Variants in NEBL observed in about 807,000 individuals in gnomAD.
NEBL encodes LIM and SH3 protein 2.
A neutral mutation model predicts 140.2 loss-of-function variants in NEBL; 122 were observed. The observed-to-expected ratio is 0.87, with a 90% CI of 0.75 to 1.01. The LOEUF (loss-of-function observed/expected upper bound fraction) is 1.01. NEBL is among the 50% of genes least tolerant of loss of function. The pLI, the probability that NEBL is intolerant of heterozygous loss-of-function variation, is 0.00. For missense variants in NEBL, 1,365 were observed against 1,231.3 expected, an observed-to-expected ratio of 1.11 and a Z score of -1.62; for synonymous variants, 436 against 398.9, an observed-to-expected ratio of 1.09 and a Z score of -1.11.
chr10:21,198,820 C>T (rs982251479), intron 3 of NEBL, among the ~76,000 whole-genome samples: 2 of 151,980 alleles, frequency 1.3e-5, no homozygotes, highest in Admixed American at 1.3e-4. Context: ...TCTCCCAAAA[C>T]TGTCTAATTA....
In NEBL at chr10:20,859,827, C is replaced by G. The variant is rs1843486814; in HGVS notation, c.685-1G>C. On this transcript the variant is annotated splice_acceptor_variant, in intron 7 of 27. Transcript: ENST00000377122. LOFTEE classifies it high-confidence loss of function. ...TATCAAATTTTTCTTTGTATTTAAT[C>G]TGTCATAAAAGAGAAATAGTACATG... 3 of 1,395,230 alleles carry G rather than the reference C, an allele frequency of 2.2e-6. No homozygotes were observed. The highest frequency in any genetic ancestry group is 3.4e-5 in the Admixed American group (2 of 58,674). 86.4% of individuals were successfully genotyped at this position (1,395,230 alleles called of 1,614,324 possible).
chr10:21,149,261 C>T (rs1319846911), intron 2 of NEBL, among the ~76,000 whole-genome samples: 1 of 152,100 alleles, frequency 6.6e-6, no homozygotes, highest in Non-Finnish European at 1.5e-5. Flanking sequence ...ACCTTACGCA[C>T]CTCGTCGTCG....
In NEBL at chr10:20,916,025, C is replaced by T. The variant is rs564220526; in HGVS notation, c.357+45647G>A. On this transcript the variant is annotated intron_variant, in intron 4 of 6. Coordinates refer to the NEBL transcript ENST00000417816. ...TAAGACATAACAGACTGTCTTTCTA[C>T]GATAAACCGTTATTAACTAAGTCAG... 1.2e-4 allele frequency among the ~76,000 whole-genome samples: 19 copies of T among 152,322 alleles called. No individual in the cohort carries two copies. In the Middle Eastern group the frequency reaches 0.01, roughly 82 times the overall value.
intron 3 of NEBL, among the ~76,000 whole-genome samples, chr10:20,977,824 C>T (rs1433656781): frequency 1.3e-5 from 2 of 152,140 alleles, no homozygotes; most frequent in African/African-American, 4.8e-5. Flanking sequence ...TATGAAGTAC[C>T]ACTTCCTAAT....
intron 2 of NEBL, among the ~76,000 whole-genome samples, chr10:21,149,326 TG>T (rs60755026): frequency 0.2 from 30,051 of 151,968 alleles, 3,321 homozygotes; most frequent in African/African-American, 0.3. Flanking sequence ...AGTCTGTCTC[TG>T]TCACCCAAGC....
chr10:21,253,064 C>A (rs974041245), intron 1 of NEBL, among the ~76,000 whole-genome samples: 3 of 152,104 alleles, frequency 2.0e-5, no homozygotes, highest in Non-Finnish European at 4.4e-5. Flanking sequence ...GAGTTCGAGA[C>A]CAGTCTGGCC....
chr10:21,070,345 G>A (rs1554822721), intron 2 of NEBL, among the ~76,000 whole-genome samples: 1 of 152,062 alleles, frequency 6.6e-6, no homozygotes, highest in Non-Finnish European at 1.5e-5. Context: ...CTGTCAGATT[G>A]CCCTGGTTAA....
chr10:21,159,512 A>C (rs2132149118), intron 2 of NEBL, among the ~76,000 whole-genome samples: 1 of 152,334 alleles, frequency 6.6e-6, no homozygotes, highest in Admixed American at 6.5e-5. Flanking sequence ...ATTCTTTTCC[A>C]AATTAAGCGC....
chr10:21,115,929 C>T (rs1303671778), intron 2 of NEBL, among the ~76,000 whole-genome samples: 7 of 151,938 alleles, frequency 4.6e-5, no homozygotes, highest in Non-Finnish European at 1.0e-4. Flanking sequence ...ACTGATGCTC[C>T]GTTAATTCTT....
intron 26 of NEBL, among the ~76,000 whole-genome samples, chr10:20,795,543 G>C (rs995136123): frequency 2.7e-5 from 4 of 147,712 alleles, no homozygotes; most frequent in Non-Finnish European, 6.0e-5. Context: ...TCTGGGGAGA[G>C]AGAGTGTGCG....
chr10:20,996,890 C>A (rs1837688861), intron 3 of NEBL, among the ~76,000 whole-genome samples: 1 of 152,114 alleles, frequency 6.6e-6, no homozygotes, highest in African/African-American at 2.4e-5. Flanking sequence ...CTCTCTAAAC[C>A]CCAGAATACA....
intron 3 of NEBL, among the ~76,000 whole-genome samples, chr10:21,198,049 C>T (rs1036911134): frequency 1.3e-5 from 2 of 152,044 alleles, no homozygotes; most frequent in South Asian, 2.1e-4. Context: ...CCTGCTGTCT[C>T]GGTGTGTTGG....
chr10:20,789,609 A>AG (rs1835745257), intron 26 of NEBL, among the ~76,000 whole-genome samples: 2 of 152,164 alleles, frequency 1.3e-5, no homozygotes, highest in African/African-American at 4.8e-5. Context: ...GCACTTTGGA[A>AG]GTCCAAAGCA....
chr10:20,815,875 C>G, intron 21 of NEBL, 158 bp from the exon 22 acceptor site: 1 of 640,844 alleles, frequency 1.6e-6, no homozygotes, highest in Non-Finnish European at 2.8e-6. Context: ...CTCAGGCAAT[C>G]CTCCCACCTC....
intron 3 of NEBL, among the ~76,000 whole-genome samples, chr10:20,975,652 C>G (rs1027445444): frequency 2.0e-5 from 3 of 152,098 alleles, no homozygotes; most frequent in African/African-American, 7.2e-5. Flanking sequence ...ACTTGAATAC[C>G]TACAGTCATT....
intron 4 of NEBL, among the ~76,000 whole-genome samples, chr10:20,934,861 T>C (rs929113029): frequency 1.3e-5 from 2 of 152,146 alleles, no homozygotes; most frequent in Non-Finnish European, 1.5e-5. Context: ...CAGACAAATC[T>C]TTAAGACATA....
chr10:21,277,299 C>T (rs1300863944), intron 1 of NEBL, among the ~76,000 whole-genome samples: 1 of 151,316 alleles, frequency 6.6e-6, no homozygotes, highest in Non-Finnish European at 1.5e-5. Flanking sequence ...AACTCCACCT[C>T]CTAGGTTCAA....
At chr10:21,149,557 C>T (rs1018614266) in intron 2 of NEBL, among the ~76,000 whole-genome samples, 4 of 152,220 alleles carry the variant, frequency 2.6e-5, no homozygotes, top group African/African-American at 9.6e-5. Context: ...TCCCAAAGTG[C>T]TGGGATTATA....
chr10:20,991,687 T>C (rs1277227937), intron 3 of NEBL, among the ~76,000 whole-genome samples: 2 of 152,072 alleles, frequency 1.3e-5, no homozygotes, highest in African/African-American at 2.4e-5. Flanking sequence ...ATGCAGAGGT[T>C]TGGGCTTTTA....
Sources: allele counts gnomAD v4.1 joint callset (sites outside exome capture counted in the v4.1 genomes callset), GRCh38; gene constraint gnomAD v4.1.1; transcripts MANE v1.5; gene names NCBI Gene and HGNC (gene_info 2026-07-23, HGNC 2026-07-21).